Variants in KCNT1 observed in about 807,000 individuals in gnomAD.
KCNT1 encodes the protein potassium channel subfamily T member 1.
A neutral mutation model predicts 147.8 loss-of-function variants in KCNT1; 78 were observed. The observed-to-expected ratio is 0.53, with a 90% CI of 0.44 to 0.64. The LOEUF is 0.64. Among genes scored for constraint, KCNT1 ranks in the 30% least tolerant of loss-of-function variants. KCNT1 has a pLI of 0.00. For synonymous variants in KCNT1, 867 were observed against 748.8 expected (o/e 1.16, Z -2.58); for missense variants, 1,419 against 1,750.3 (o/e 0.81, Z 3.38).
At chr9:135,733,112 G>A (rs193302115) in intron 2 of KCNT1, among the ~76,000 whole-genome samples, 20 of 151,994 alleles carry the variant, frequency 1.3e-4, no homozygotes, top group Admixed American at 1.0e-3. Context: ...CTCCTTGTCG[G>A]CTCTGAGTCA....
chr9:135,772,665 C>T (rs1832835349), intron 18 of KCNT1, 50 bp from the exon 19 acceptor site: 1 of 1,320,612 alleles, frequency 7.6e-7, no homozygotes, highest in Non-Finnish European at 9.9e-7. Context: ...AACTCGCCGC[C>T]CATGGAGGGT....
chr9:135,761,225 C>T lies in KCNT1; in HGVS notation c.1035+1366C>T, dbSNP rs546157520. ...TTACTGAAAAGATCATTCCCTCCCT[C>T]GATCATAAACCTGGCTTCCTATTTT... On this transcript the variant is annotated intron_variant, in intron 11 of 30. Coordinates refer to ENST00000371757, the MANE Select transcript of KCNT1 (RefSeq NM_020822.3). 4.7e-4 allele frequency among the ~76,000 whole-genome samples: 72 copies of T among 152,308 alleles called. No individual in the cohort carries two copies. In the East Asian group the frequency reaches 5.4e-3, roughly 11 times the overall value.
At chr9:135,732,020 A>C (rs1237920561) in intron 2 of KCNT1, among the ~76,000 whole-genome samples, 2 of 126,280 alleles carry the variant, frequency 1.6e-5, no homozygotes, top group African/African-American at 6.1e-5. Context: ...AGAGAGAGAG[A>C]GAGAGAGAGA....
intron 20 of KCNT1, among the ~76,000 whole-genome samples, chr9:135,776,038 C>T (rs1175459920): frequency 6.6e-6 from 1 of 152,012 alleles, no homozygotes; most frequent in East Asian, 1.9e-4. Flanking sequence ...GCATGTGGGG[C>T]CAGCCCTCCC....
At chr9:135,756,664 T>C (rs1360701971) in intron 6 of KCNT1, among the ~76,000 whole-genome samples, 2 of 151,968 alleles carry the variant, frequency 1.3e-5, no homozygotes, top group East Asian at 3.9e-4. Flanking sequence ...AGGAGGACCA[T>C]GGTTTCAAGA....
At chr9:135,746,183 T>C (rs1196040130) in intron 2 of KCNT1, among the ~76,000 whole-genome samples, 2 of 151,996 alleles carry the variant, frequency 1.3e-5, no homozygotes, top group Non-Finnish European at 2.9e-5. Context: ...TTAATGTCTC[T>C]GGCATCGCAG....
At chr9:135,756,763 C>A in intron 6 of KCNT1, 110 bp from the exon 7 acceptor site, 1 of 904,556 alleles carries the variant, frequency 1.1e-6, no homozygotes. Context: ...CAAGGCAGAC[C>A]CCAGACACAC....
intron 12 of KCNT1, 21 bp from the exon 13 acceptor site, chr9:135,765,603 G>A (rs746313939): frequency 6.2e-7 from 1 of 1,600,210 alleles, no homozygotes; most frequent in Non-Finnish European, 8.5e-7. Context: ...CAGAGGGTCT[G>A]ACCCTCCGCC....
chr9:135,741,697 G>A (rs568819410), intron 2 of KCNT1, among the ~76,000 whole-genome samples: 65 of 152,382 alleles, frequency 4.3e-4, no homozygotes, highest in African/African-American at 8.9e-4. Flanking sequence ...CCCACCCGGA[G>A]AGCCTGGCGT....
At chr9:135,722,648 A>C (rs1338205316) in intron 2 of KCNT1, among the ~76,000 whole-genome samples, 1 of 152,228 alleles carries the variant, frequency 6.6e-6, no homozygotes, top group African/African-American at 2.4e-5. Flanking sequence ...TGGAGGCTGG[A>C]AGCCCAGGAT....
intron 1 of KCNT1, among the ~76,000 whole-genome samples, chr9:135,703,621 C>T (rs535979925): frequency 2.9e-4 from 44 of 152,314 alleles, no homozygotes; most frequent in Non-Finnish European, 5.3e-4. Context: ...CTGTCAGGCA[C>T]AGAGAAAATG....
intron 24 of KCNT1, among the ~76,000 whole-genome samples, chr9:135,779,842 G>T (rs1447343448): frequency 6.6e-6 from 1 of 152,226 alleles, no homozygotes; most frequent in African/African-American, 2.4e-5. Flanking sequence ...ACATAGGTTG[G>T]CCAGTAGCTC....
intron 2 of KCNT1, among the ~76,000 whole-genome samples, chr9:135,731,985 TATATATAGAGAG>T (rs1160310815): frequency 3.0e-3 from 69 of 23,240 alleles, no homozygotes; most frequent in Admixed American, 9.3e-3. Flanking sequence ...TATATATATA[TATATATAGAGAG>T]AGAGAGAGAG....
chr9:135,757,491 C>A (rs550127749), intron 9 of KCNT1, 110 bp downstream of exon 9: 4 of 955,708 alleles, frequency 4.2e-6, no homozygotes, highest in African/African-American at 3.2e-5. Flanking sequence ...CCTGGCATGA[C>A]CTGTAGAGGA....
intron 2 of KCNT1, among the ~76,000 whole-genome samples, chr9:135,726,864 T>C (rs1445691681): frequency 3.7e-5 from 4 of 107,858 alleles, no homozygotes; most frequent in African/African-American, 9.9e-5. Flanking sequence ...CCTCTCCCTC[T>C]CTCTTTCCCA....
At chr9:135,786,976 C>T (rs539998595) in intron 29 of KCNT1, among the ~76,000 whole-genome samples, 214 of 152,374 alleles carry the variant, frequency 1.4e-3, no homozygotes, top group Middle Eastern at 3.4e-3. Context: ...CAGCCAGCTG[C>T]AGCCAGGCCT....
Position 135,768,915 on chromosome 9 carries a change from C to A in KCNT1, c.1488C>A (p.Asn496Lys). 2 of 1,613,450 alleles carry A rather than the reference C, an allele frequency of 1.2e-6. No homozygotes were observed. The highest frequency in any genetic ancestry group is 1.7e-6 in the Non-Finnish European group (2 of 1,179,858). The change falls in exon 15 of 31, where the codon AAC (asparagine) becomes AAA (lysine). Residue 496 changes from asparagine to lysine, a missense_variant. Physicochemically the swap from Asn to Lys is moderately conservative, Grantham distance 94. Transcript: ENST00000371757. ...PLYVQILKPE[N>K]KFHVKFADHV... ...ACGTCCAGATCCTCAAACCTGAAAA[C>A]AAGTTTCACGTCAAGTTTGCTGGTG...
At chr9:135,722,631 T>C (rs1270647566) in intron 2 of KCNT1, among the ~76,000 whole-genome samples, 1 of 152,232 alleles carries the variant, frequency 6.6e-6, no homozygotes, top group African/African-American at 2.4e-5. Context: ...GATTTATTTC[T>C]CAGTTCTGGA....
chr9:135,739,519 G>A (rs1588290319), intron 2 of KCNT1, among the ~76,000 whole-genome samples: 1 of 151,298 alleles, frequency 6.6e-6, no homozygotes, highest in African/African-American at 2.4e-5. Context: ...TCCTCTCCAA[G>A]AACCTGGCTG....
Sources: allele counts gnomAD v4.1 joint callset (sites outside exome capture counted in the v4.1 genomes callset), GRCh38; gene constraint gnomAD v4.1.1; transcripts MANE v1.5; gene names NCBI Gene and HGNC (gene_info 2026-07-23, HGNC 2026-07-21).